The following ADGRL2 variants were observed in gnomAD, a reference collection of about 807,000 sequenced individuals.
ADGRL2 encodes calcium-independent alpha-latrotoxin receptor 2.
Under a neutral mutation model 157.4 loss-of-function variants are expected in ADGRL2, and 44 were observed. That is an observed-to-expected ratio of 0.28 (90% CI 0.22 to 0.36). ADGRL2 has a LOEUF of 0.36. Ranked by LOEUF, ADGRL2 falls within the 10% of genes least tolerant of loss-of-function variation. The pLI, the probability that ADGRL2 is intolerant of heterozygous loss-of-function variation, is 1.00. For synonymous variants in ADGRL2, 585 were observed against 624.7 expected, an observed-to-expected ratio of 0.94 and a Z score of 0.95; for missense variants, 1,510 against 1,768.9, an observed-to-expected ratio of 0.85 and a Z score of 2.63.
chr1:81,952,225 C>T, intron 9 of ADGRL2, 83 bp downstream of exon 9: 2 of 1,179,038 alleles, frequency 1.7e-6, no homozygotes, highest in Non-Finnish European at 2.3e-6. Context: ...AGAGCCAAAT[C>T]TTTGGCCCCG....
intron 17 of ADGRL2, among the ~76,000 whole-genome samples, chr1:81,976,524 C>T (rs1039915898): frequency 2.0e-5 from 3 of 151,906 alleles, no homozygotes; most frequent in African/African-American, 7.2e-5. Flanking sequence ...GATTATTTTT[C>T]CAATACTTTT....
At chr1:81,642,033 G>A (rs564463377) in intron 3 of ADGRL2, among the ~76,000 whole-genome samples, 1 of 150,168 alleles carries the variant, frequency 6.7e-6, no homozygotes, top group African/African-American at 2.4e-5. Flanking sequence ...GATGATAAAA[G>A]AATACTATGC....
chr1:81,739,721 T>A (rs775056175), intron 1 of ADGRL2, among the ~76,000 whole-genome samples: 3 of 152,216 alleles, frequency 2.0e-5, no homozygotes, highest in African/African-American at 2.4e-5. Flanking sequence ...CTACCCAGCA[T>A]GCTAAGCAAA....
rs1303453861 is a variant in ADGRL2, at chr1:81,528,668, A to G, written c.-247-52208A>G. Among the ~76,000 whole-genome samples, 278 of 150,046 alleles carry G rather than the reference A, an allele frequency of 1.9e-3. 1 individual carries two copies. The highest frequency in any genetic ancestry group is 6.5e-3 in the African/African-American group (264 of 40,774). ...TCTCAAAAAAAAAAAAAAAAAAAAA[A>G]AAAAAAAGAAAAAGAAACTGGCCCT... On this transcript the variant is annotated intron_variant, in intron 2 of 24. Transcript: ENST00000370721.
At chr1:81,712,920 C>A (rs575905764) in intron 1 of ADGRL2, among the ~76,000 whole-genome samples, 3 of 151,886 alleles carry the variant, frequency 2.0e-5, no homozygotes, top group African/African-American at 4.8e-5. Context: ...CACCACCACG[C>A]CCAGCTAATT....
chr1:81,804,992 C>G (rs1314621742), intron 1 of ADGRL2, among the ~76,000 whole-genome samples: 1 of 151,962 alleles, frequency 6.6e-6, no homozygotes, highest in Non-Finnish European at 1.5e-5. Flanking sequence ...CAAAAAGAAG[C>G]TTGGAAAAGT....
intron 2 of ADGRL2, among the ~76,000 whole-genome samples, chr1:81,497,949 G>T (rs2078764686): frequency 6.6e-6 from 1 of 152,332 alleles, no homozygotes; most frequent in South Asian, 2.1e-4. Flanking sequence ...GCTCATGCCT[G>T]TAATCCCGGC....
At chr1:81,846,666 C>A (rs2092802651) in intron 2 of ADGRL2, among the ~76,000 whole-genome samples, 1 of 151,880 alleles carries the variant, frequency 6.6e-6, no homozygotes, top group South Asian at 2.1e-4. Context: ...ATGTATTAAT[C>A]ATTAATTAGT....
At chr1:81,815,490 A>G (rs2090305417) in intron 1 of ADGRL2, among the ~76,000 whole-genome samples, 2 of 151,858 alleles carry the variant, frequency 1.3e-5, no homozygotes, top group African/African-American at 4.8e-5. Flanking sequence ...GATTCAGATA[A>G]CAGCTACAAC....
intron 1 of ADGRL2, among the ~76,000 whole-genome samples, chr1:81,367,272 C>G (rs145235166): frequency 1.8e-3 from 269 of 152,226 alleles, no homozygotes; most frequent in African/African-American, 6.4e-3. Context: ...TTGTTACATA[C>G]ATAGGTAAAG....
At chr1:81,827,688 C>T (rs560749093) in intron 1 of ADGRL2, among the ~76,000 whole-genome samples, 2 of 152,238 alleles carry the variant, frequency 1.3e-5, no homozygotes, top group South Asian at 4.1e-4. Flanking sequence ...GCCTCAGCCT[C>T]CAGGGTAGCT....
chr1:81,931,119 A>G (rs2095221672), intron 3 of ADGRL2, among the ~76,000 whole-genome samples: 1 of 152,200 alleles, frequency 6.6e-6, no homozygotes, highest in Non-Finnish European at 1.5e-5. Flanking sequence ...ACTGCACTCT[A>G]GCCTGGGCAA....
chr1:81,767,800 G>A (rs868713849), intron 2 of ADGRL2, among the ~76,000 whole-genome samples: 24 of 148,786 alleles, frequency 1.6e-4, no homozygotes, highest in South Asian at 8.6e-4. Flanking sequence ...GGAGGCTGCA[G>A]TGAGCTGTGA....
At chr1:81,367,897 T>C (rs1357003432) in intron 1 of ADGRL2, among the ~76,000 whole-genome samples, 6 of 152,208 alleles carry the variant, frequency 3.9e-5, no homozygotes, top group Admixed American at 3.3e-4. Context: ...ATGGTGTACA[T>C]GTACCACATT....
At chr1:81,966,305 A>G in intron 12 of ADGRL2, 99 bp from the exon 13 acceptor site, 1 of 1,513,992 alleles carries the variant, frequency 6.6e-7, no homozygotes, top group East Asian at 2.3e-5. Context: ...AGCAGATATA[A>G]AACAGTGCCT....
At chr1:81,864,363 A>G (rs761607285) in intron 2 of ADGRL2, among the ~76,000 whole-genome samples, 53 of 129,800 alleles carry the variant, frequency 4.1e-4, no homozygotes, top group African/African-American at 1.2e-3. Context: ...TTTCTGATTT[A>G]GAAAAAAATT....
intron 2 of ADGRL2, among the ~76,000 whole-genome samples, chr1:81,508,459 A>G (rs1356276491): frequency 6.6e-6 from 1 of 152,214 alleles, no homozygotes; most frequent in Non-Finnish European, 1.5e-5. Context: ...CAGTGTGCTC[A>G]TGAGGCATTA....
chr1:81,312,966 C>A (rs12137941), intron 1 of ADGRL2, among the ~76,000 whole-genome samples: 22,414 of 152,160 alleles, frequency 0.15, 2,066 homozygotes, highest in African/African-American at 0.26. Context: ...ATTATTGAAT[C>A]TCTCTGAGCT....
intron 3 of ADGRL2, among the ~76,000 whole-genome samples, chr1:81,933,747 T>C (rs1217119580): frequency 6.6e-6 from 1 of 152,158 alleles, no homozygotes; most frequent in Non-Finnish European, 1.5e-5. Flanking sequence ...AACTTAATGC[T>C]GCTTGCACCC....
Sources: allele counts gnomAD v4.1 joint callset (sites outside exome capture counted in the v4.1 genomes callset), GRCh38; gene constraint gnomAD v4.1.1; transcripts MANE v1.5; gene names NCBI Gene and HGNC (gene_info 2026-07-23, HGNC 2026-07-21).